NBPF10: variants seen among roughly 807,000 people sequenced by gnomAD.
NBPF10 encodes NBPF family member NBPF10.
NBPF10 carries 63 observed loss-of-function variants against 77.9 expected under a neutral mutation model. The observed-to-expected ratio is 0.81, with a 90% CI of 0.66 to 1.00. The LOEUF (loss-of-function observed/expected upper bound fraction) is 1.00. Among genes scored for constraint, NBPF10 ranks in the 50% least tolerant of loss-of-function variants. The pLI, the probability that NBPF10 is intolerant of heterozygous loss-of-function variation, is 0.00. For synonymous variants in NBPF10, 146 were observed against 264.5 expected, an observed-to-expected ratio of 0.55 and a Z score of 4.35; for missense variants, 522 against 679.8, an observed-to-expected ratio of 0.77 and a Z score of 2.58.
exon 14 of NBPF10, chr1:146,126,296 A>T: frequency 1.3e-6 from 2 of 1,598,152 alleles, no homozygotes; most frequent in Non-Finnish European, 1.7e-6. Context: ...GCACTTCTGT[A>T]GGGCTGGCAT....
rs369952937 is a variant in NBPF10 at position 146,134,410 on chromosome 1, C to T, written c.1307-145G>A. ...CTCATGTTTTATCTTTAACAGAATG[C>T]CCTGGCATGGTTTCCTGATCCATCA... is the stretch of plus-strand genomic sequence containing the variant. On this transcript the variant is annotated intron_variant, in intron 8 of 89. Transcript: ENST00000583866. 7.0e-5 allele frequency: 43 copies of T among 611,730 alleles called. 8 individuals carry two copies. Among genetic ancestry groups the T allele is most frequent in the South Asian group, 6.8e-4 (40 of 58,724 alleles). The allele number at this position is 611,730 out of a possible 1,614,324, so 37.9% of individuals were successfully genotyped here.
At chr1:146,126,005 G>T (rs1410230325) in intron 14 of NBPF10, among the ~76,000 whole-genome samples, 2 of 151,714 alleles carry the variant, frequency 1.3e-5, no homozygotes, top group African/African-American at 4.8e-5. Flanking sequence ...TTGAGAGTAG[G>T]ATTATGGTGC....
intron 1 of NBPF10, among the ~76,000 whole-genome samples, chr1:146,143,398 T>C (rs1172266698): frequency 2.1e-4 from 32 of 151,428 alleles, no homozygotes; most frequent in Non-Finnish European, 3.8e-4. Context: ...TGTGTTAATT[T>C]AGAAACATCA....
intron 71 of NBPF10, among the ~76,000 whole-genome samples, chr1:146,081,035 A>C (rs1363158698): frequency 3.1e-5 from 2 of 64,940 alleles, no homozygotes; most frequent in African/African-American, 7.8e-5. Flanking sequence ...ACACACAGAG[A>C]GAGAGAGAGA....
rs1460706305 is a variant in NBPF10 at position 146,126,129 on chromosome 1, C to A, written c.2026+107G>T. Reference sequence around the variant, plus strand: ...ACCTACATGTGCCTATAGGTCCTCCCTGTGGCAATGACATCTCTCAGCTCA... The same window carrying A: ...ACCTACATGTGCCTATAGGTCCTCCATGTGGCAATGACATCTCTCAGCTCA... On this transcript the variant is annotated intron_variant, in intron 14 of 89. Transcript: ENST00000583866. 9 of 773,396 alleles carry A rather than the reference C, an allele frequency of 1.2e-5. No homozygotes were observed. In the Admixed American group the frequency reaches 1.7e-4, roughly 15 times the overall value. The allele number at this position is 773,396 out of a possible 1,614,324, so 47.9% of individuals were successfully genotyped here.
chr1:146,142,838 C>A lies in NBPF10; in HGVS notation c.176-86G>T. 2.9e-6 allele frequency: 2 copies of A among 690,574 alleles called. 1 individual carries two copies. The highest frequency in any genetic ancestry group is 4.9e-6 in the Non-Finnish European group (2 of 407,444). 42.8% of individuals were successfully genotyped at this position (690,574 alleles called of 1,614,324 possible). The stretch of plus-strand genomic sequence containing the variant: ...CCTACAGGGCAGGAGCCAGGTCCAT[C>A]CCAAGGACAAAACTCTCCCCAGTAC... On this transcript the variant is annotated intron_variant, in intron 1 of 89. Coordinates refer to ENST00000583866, the Ensembl canonical transcript of NBPF10.
intron 5 of NBPF10, among the ~76,000 whole-genome samples, chr1:146,139,100 T>C (rs1401369687): frequency 1.0e-5 from 1 of 97,160 alleles, no homozygotes; most frequent in Non-Finnish European, 2.3e-5. Flanking sequence ...TACTTTTTTT[T>C]TTTTTTTTTT....
intron 89 of NBPF10, among the ~76,000 whole-genome samples, 188 bp from the exon 90 acceptor site, chr1:146,066,749 G>A (rs1165101563): frequency 6.6e-6 from 1 of 151,450 alleles, no homozygotes; most frequent in Non-Finnish European, 1.5e-5. Flanking sequence ...AACAATGAAA[G>A]AGAAAGACAG....
intron 7 of NBPF10, among the ~76,000 whole-genome samples, chr1:146,136,144 A>G (rs1394143404): frequency 6.6e-6 from 1 of 151,372 alleles, no homozygotes; most frequent in Non-Finnish European, 1.5e-5. Flanking sequence ...CTTGTTTGAA[A>G]AAGAGAAAAC....
chr1:146,114,853 C>A lies in NBPF10; in HGVS notation c.3716-333G>T, dbSNP rs1257509621. ...GGAAAACTGCAGTATTCAGCCCTGT[C>A]TCATCAAATGCCCAGCTCGTTCATG... On this transcript the variant is annotated intron_variant, in intron 28 of 89. Coordinates refer to ENST00000583866, the Ensembl canonical transcript of NBPF10. Among the ~76,000 whole-genome samples, 2 of 30,648 alleles carry A rather than the reference C, an allele frequency of 6.5e-5. 1 individual carries two copies. The highest frequency in any genetic ancestry group is 1.5e-4 in the Non-Finnish European group (2 of 13,378). 20.1% of individuals were successfully genotyped at this position (30,648 alleles called of 152,430 possible).
rs1240271674 is a variant in NBPF10 at position 146,069,314 on chromosome 1, T to A, written c.10810+229A>T. On this transcript the variant is annotated intron_variant, in intron 86 of 89. Coordinates refer to ENST00000583866, the Ensembl canonical transcript of NBPF10. ...CAGATCCAACATCTTGAGAGTAGGA[T>A]TAGGGCGCCACAGGCATGGCCTGAG... 5.5e-5 allele frequency among the ~76,000 whole-genome samples: 5 copies of A among 91,436 alleles called. No individual in the cohort carries two copies. In the East Asian group the frequency reaches 1.2e-3, roughly 22 times the overall value. The allele number at this position is 91,436 out of a possible 152,430, so 60.0% of individuals were successfully genotyped here. A position where few individuals can be genotyped will look rare whatever the true frequency, so the allele number is the denominator to read the frequency against.
chr1:146,066,708 T>A (rs1331138058), intron 89 of NBPF10, 147 bp from the exon 90 acceptor site: 8 of 585,724 alleles, frequency 1.4e-5, no homozygotes, highest in African/African-American at 7.7e-5. Context: ...TTTATTGCCT[T>A]TATGTTGGGA....
chr1:146,129,525 A>G (rs1659072999), intron 11 of NBPF10, among the ~76,000 whole-genome samples: 2 of 132,754 alleles, frequency 1.5e-5, no homozygotes, highest in South Asian at 5.0e-4. Context: ...TGATTGGTGT[A>G]CTGAAAGTGA....
chr1:146,142,681 C>T lies in NBPF10; in HGVS notation c.247G>A (p.Ala83Thr), dbSNP rs1553797902. The T allele has an allele frequency of 3.0e-6, 4 of 1,355,874 alleles. No individual in the cohort carries two copies. In the African/African-American group the frequency reaches 5.5e-5, roughly 19 times the overall value. 84.0% of individuals were successfully genotyped at this position (1,355,874 alleles called of 1,614,324 possible). Residue 83 changes from alanine to threonine, a missense_variant, in exon 2 of 90, where the codon GCA becomes ACA. Ala to Thr is a moderately conservative substitution (Grantham distance 58, BLOSUM62 0). Coordinates refer to ENST00000583866, the Ensembl canonical transcript of NBPF10. ...TCCTCAGCTTGCTTCAGCTGCTCTG[C>T]AAGCTTCTCCTCCTTGAACTGTCGC... is the stretch of plus-strand genomic sequence containing the variant.
intron 88 of NBPF10, among the ~76,000 whole-genome samples, chr1:146,067,562 C>A (rs1342743416): frequency 3.5e-4 from 53 of 149,946 alleles, no homozygotes; most frequent in Non-Finnish European, 6.3e-4. Context: ...CATATTTTTC[C>A]AATCAACGTA....
intron 17 of NBPF10, among the ~76,000 whole-genome samples, chr1:146,123,495 C>A (rs1429748304): frequency 2.2e-4 from 19 of 87,432 alleles, no homozygotes; most frequent in African/African-American, 1.2e-3. Context: ...CACACACACA[C>A]ACACACACAC....
At chr1:146,125,823 C>T (rs1390347048) in intron 14 of NBPF10, among the ~76,000 whole-genome samples, 1 of 149,350 alleles carries the variant, frequency 6.7e-6, no homozygotes, top group Non-Finnish European at 1.5e-5. Flanking sequence ...CAAATGGTTG[C>T]TAGGAGAAAA....
rs1457062482 is a variant in NBPF10 at position 146,068,386 on chromosome 1, A to G, written c.10863-211T>C. ...AAGACAGGGAGAGGGAGAGAGAGAG[A>G]GAGGAGAAAGTGAGATCAGCGAATT... On this transcript the variant is annotated intron_variant, in intron 87 of 89. Transcript: ENST00000583866. Among the ~76,000 whole-genome samples the G allele has an allele frequency of 1.1e-4, 2 of 18,132 alleles. 1 individual carries two copies. Among genetic ancestry groups the G allele is most frequent in the Non-Finnish European group, 2.1e-4 (2 of 9,536 alleles). The allele number at this position is 18,132 out of a possible 152,430, so 11.9% of individuals were successfully genotyped here. A position where few individuals can be genotyped will look rare whatever the true frequency, so the allele number is the denominator to read the frequency against.
chr1:146,068,058 G>C, exon 88 of NBPF10: 1 of 547,970 alleles, frequency 1.8e-6, no homozygotes, highest in East Asian at 3.0e-5. Context: ...AAACAGCACT[G>C]CTGTAGGGCT....
Sources: gnomAD v4.1 joint callset for allele counts (sites outside exome capture counted in the v4.1 genomes callset) on GRCh38, gnomAD v4.1.1 for gene constraint, MANE v1.5 for transcripts, NCBI Gene and HGNC (gene_info 2026-07-23, HGNC 2026-07-21) for gene names.